MRPL37: variants seen among roughly 807,000 people sequenced by gnomAD.
MRPL37 encodes large ribosomal subunit protein mL37.
Under a neutral mutation model 44.1 loss-of-function variants are expected in MRPL37, and 34 were observed. The observed-to-expected ratio is 0.77, with a 90% CI of 0.59 to 1.03. The LOEUF (loss-of-function observed/expected upper bound fraction) is 1.03. Ranked by LOEUF, MRPL37 falls within the 50% of genes least tolerant of loss-of-function variation. MRPL37 has a pLI of 0.00. For missense variants in MRPL37, 532 were observed against 543.7 expected (o/e 0.98, Z 0.21); for synonymous variants, 212 against 219.5 (o/e 0.97, Z 0.30).
rs1644067869 is a variant in MRPL37 at position 54,200,289 on chromosome 1, G to C, written c.46G>C (p.Gly16Arg). 1.2e-6 allele frequency: 2 copies of C among 1,608,968 alleles called. No homozygotes were observed. Among genetic ancestry groups the C allele is most frequent in the Non-Finnish European group, 1.7e-6 (2 of 1,178,024 alleles). ...CGCAAGGCGGGCGCTAGCTGGCTCC[G>C]GGCAGCTCGGCCTTGGGGGCTTCGG... Reference protein sequence around the residue: ...GPARRALAGSGQLGLGGFGAP... With the variant: ...GPARRALAGSRQLGLGGFGAP... The change falls in exon 1 of 7, where the codon GGG (glycine) becomes CGG (arginine). Residue 16 changes from glycine (G) to arginine (R), a missense_variant. Transcript: ENST00000360840.
chr1:54,211,609 C>T (rs945651042), intron 4 of MRPL37, among the ~76,000 whole-genome samples: 1 of 152,126 alleles, frequency 6.6e-6, no homozygotes, highest in Non-Finnish European at 1.5e-5. Context: ...CCTCCTACCT[C>T]AGCCTCCTGA....
intron 1 of MRPL37, among the ~76,000 whole-genome samples, chr1:54,201,796 G>T (rs1398911804): frequency 6.6e-6 from 1 of 152,160 alleles, no homozygotes; most frequent in Non-Finnish European, 1.5e-5. Context: ...TAACTTGCAG[G>T]TAAAGCTCCT....
intron 3 of MRPL37, chr1:54,207,472 T>C (rs1644132545): frequency 6.6e-6 from 1 of 152,222 alleles, no homozygotes; most frequent in Non-Finnish European, 1.5e-5. Context: ...GATTTGTGTA[T>C]AGACTTCCTG....
At chr1:54,207,841 C>G (rs1197242343) in intron 3 of MRPL37, among the ~76,000 whole-genome samples, 1 of 152,194 alleles carries the variant, frequency 6.6e-6, no homozygotes, top group Non-Finnish European at 1.5e-5. Context: ...AGGCCACATG[C>G]TAATTAATGA....
At chr1:54,204,025 G>C (rs1360947203) in intron 1 of MRPL37, among the ~76,000 whole-genome samples, 3 of 152,156 alleles carry the variant, frequency 2.0e-5, no homozygotes, top group African/African-American at 7.2e-5. Flanking sequence ...GGCCCTTTGA[G>C]AAAATGTTTG....
At chr1:54,223,660 C>T (rs141048662), downstream of MRPL37, among the ~76,000 whole-genome samples, 160 of 152,308 alleles carry the variant, frequency 1.1e-3, 1 homozygote, top group African/African-American at 3.7e-3. Flanking sequence ...CCCCCCAGGC[C>T]GGCCGACCCC....
At chr1:54,207,228 C>A (rs189707989) in intron 3 of MRPL37, 1 of 152,392 alleles carries the variant, frequency 6.6e-6, no homozygotes, top group Non-Finnish European at 1.5e-5. Flanking sequence ...CTGTCTACCC[C>A]ACTCAACTGA....
intron 1 of MRPL37, among the ~76,000 whole-genome samples, chr1:54,204,804 C>T (rs1415487797): frequency 1.3e-5 from 2 of 152,166 alleles, no homozygotes; most frequent in Non-Finnish European, 2.9e-5. Context: ...TATTAACCAT[C>T]CTGAAGTAGG....
intron 3 of MRPL37, 130 bp from the exon 4 acceptor site, chr1:54,209,816 A>G (rs1644151126): frequency 5.4e-6 from 5 of 918,660 alleles, no homozygotes; most frequent in Non-Finnish European, 8.1e-6. Context: ...AGGCTGACCT[A>G]GAACTCCTGG....
downstream of MRPL37, among the ~76,000 whole-genome samples, chr1:54,222,118 C>T (rs886090687): frequency 1.3e-5 from 2 of 152,234 alleles, no homozygotes; most frequent in East Asian, 1.9e-4. Context: ...GAGCACTCAT[C>T]GAGCACCTAC....
At chr1:54,206,480 G>C (rs1296912956) in intron 3 of MRPL37, among the ~76,000 whole-genome samples, 1 of 152,072 alleles carries the variant, frequency 6.6e-6, no homozygotes, top group African/African-American at 2.4e-5. Context: ...TGCAATCTCA[G>C]CTCACTGCAA....
downstream of MRPL37, among the ~76,000 whole-genome samples, chr1:54,223,563 T>A (rs959550074): frequency 6.6e-6 from 1 of 152,202 alleles, no homozygotes; most frequent in South Asian, 2.1e-4. Flanking sequence ...CTTAAGTTTC[T>A]TTCCTGGCTC....
chr1:54,224,460 G>A (rs1048629416), downstream of MRPL37, among the ~76,000 whole-genome samples: 15 of 152,186 alleles, frequency 9.9e-5, no homozygotes, highest in Non-Finnish European at 1.6e-4. Flanking sequence ...CAGCCTATGA[G>A]GCAGCCAACC....
chr1:54,205,349 T>G lies in MRPL37; in HGVS notation c.585T>G (p.His195Gln). The stretch of plus-strand genomic sequence containing the variant: ...TGTGTAAATCTCAGATTCTCAAGCA[T>G]CCTTCTCTGGCCAGGAGGATCTGTG... ...IQLCKSQILKHPSLARRICVQ... is the reference protein window; with the variant it reads ...IQLCKSQILKQPSLARRICVQ... The change falls in exon 3 of 7, where the codon CAT becomes CAG. Residue 195 changes from histidine to glutamine, a missense_variant. Coordinates refer to ENST00000360840, the MANE Select transcript of MRPL37 (RefSeq NM_016491.4). The G allele has an allele frequency of 6.2e-7, 1 of 1,614,174 alleles. No homozygotes were observed. The highest frequency in any genetic ancestry group is 8.5e-7 in the Non-Finnish European group (1 of 1,180,024).
At position 54,210,100 on chromosome 1, in the gene MRPL37, A is replaced by G; in HGVS notation, c.801A>G (p.Glu267=). Residue 267 remains glutamate (E), a synonymous_variant, in exon 4 of 7, where the codon GAA becomes GAG. Coordinates refer to ENST00000360840, the MANE Select transcript of MRPL37 (RefSeq NM_016491.4). ...YPISPIIDLH[E]CNIYDVKNDT... Reference sequence around the variant, plus strand: ...TATCACCCATCATCGATCTTCATGAATGCAATATTTATGATGTGAAAAATG... The same window carrying G: ...TATCACCCATCATCGATCTTCATGAGTGCAATATTTATGATGTGAAAAATG... 1 of 1,614,196 alleles carries G rather than the reference A, an allele frequency of 6.2e-7. No individual in the cohort carries two copies. The highest frequency in any genetic ancestry group is 8.5e-7 in the Non-Finnish European group (1 of 1,180,028).
downstream of MRPL37, chr1:54,220,562 T>C (rs1644225815): frequency 2.2e-6 from 1 of 446,712 alleles, no homozygotes; most frequent in Non-Finnish European, 4.7e-6. Context: ...CATGATGCAG[T>C]GTGAAGAGCT....
intron 6 of MRPL37, among the ~76,000 whole-genome samples, chr1:54,216,783 C>A (rs560960931): frequency 1.3e-5 from 2 of 152,326 alleles, no homozygotes; most frequent in Admixed American, 1.3e-4. Flanking sequence ...CACTTAAGTG[C>A]CTCAGGTGGG....
chr1:54,213,986 C>T (rs1237488860), intron 5 of MRPL37, among the ~76,000 whole-genome samples: 1 of 152,166 alleles, frequency 6.6e-6, no homozygotes, highest in African/African-American at 2.4e-5. Flanking sequence ...AGTTCGAGAC[C>T]AGCCTGGCCA....
At chr1:54,204,919 G>A in intron 1 of MRPL37, 99 bp from the exon 2 acceptor site, 1 of 1,369,446 alleles carries the variant, frequency 7.3e-7, no homozygotes, top group Non-Finnish European at 9.9e-7. Context: ...TTTCTCACTT[G>A]AGGCAGCCTT....
Sources: allele counts gnomAD v4.1 joint callset (sites outside exome capture counted in the v4.1 genomes callset), GRCh38; gene constraint gnomAD v4.1.1; transcripts MANE v1.5; gene names NCBI Gene and HGNC (gene_info 2026-07-23, HGNC 2026-07-21).